Variants in CDH20 observed in about 807,000 individuals in gnomAD.
CDH20 encodes the protein cadherin-20.
A neutral mutation model predicts 74.2 loss-of-function variants in CDH20; 29 were observed. The observed-to-expected ratio is 0.39, with a 90% CI of 0.29 to 0.53. The LOEUF (loss-of-function observed/expected upper bound fraction) is 0.53. Among genes scored for constraint, CDH20 ranks in the 20% least tolerant of loss-of-function variants. CDH20 has a pLI of 0.69. For synonymous variants in CDH20, 469 were observed against 405.4 expected, an observed-to-expected ratio of 1.16 and a Z score of -1.88; for missense variants, 988 against 1,048.3, an observed-to-expected ratio of 0.94 and a Z score of 0.79.
At chr18:61,351,317 G>A (rs543983757) in intron 1 of CDH20, among the ~76,000 whole-genome samples, 1 of 152,238 alleles carries the variant, frequency 6.6e-6, no homozygotes, top group South Asian at 2.1e-4. Context: ...GTAAGCTCCT[G>A]TAGTCTCAGG....
chr18:61,513,891 C>T (rs1186087094), intron 6 of CDH20, among the ~76,000 whole-genome samples: 2 of 152,110 alleles, frequency 1.3e-5, no homozygotes, highest in Admixed American at 6.5e-5. Flanking sequence ...ATGGGCTTCC[C>T]TTTGAGGGTA....
At chr18:61,525,227 G>T (rs1198494093) in intron 6 of CDH20, among the ~76,000 whole-genome samples, 1 of 151,918 alleles carries the variant, frequency 6.6e-6, no homozygotes. Flanking sequence ...TACTAAAAAA[G>T]AAATTTTAAT....
chr18:61,390,024 T>C (rs1911723675), intron 1 of CDH20, among the ~76,000 whole-genome samples: 1 of 152,172 alleles, frequency 6.6e-6, no homozygotes, highest in South Asian at 2.1e-4. Flanking sequence ...ATTTCCTTTC[T>C]TCCTTTCCAA....
intron 9 of CDH20, 144 bp from the exon 10 acceptor site, chr18:61,544,883 T>C (rs1023895378): frequency 9.2e-6 from 6 of 649,526 alleles, no homozygotes; most frequent in Non-Finnish European, 1.4e-5. Flanking sequence ...CTACCCAGCA[T>C]TTCCCTGCCC....
chr18:61,334,373 A>C (rs538748034), intron 1 of CDH20: 14 of 152,266 alleles, frequency 9.2e-5, no homozygotes, highest in African/African-American at 3.1e-4. Flanking sequence ...CCCCCGCCGG[A>C]GCTCGGCTGT....
chr18:61,393,364 A>G lies in CDH20; in HGVS notation c.-153+59537A>G, dbSNP rs568714557. On this transcript the variant is annotated intron_variant, in intron 1 of 11. Transcript: ENST00000262717. ...CAAGTGGCTCCTAACTCAACACTGT[A>G]TTTTTAAAATTTGGAATTGTCAATG... 2.6e-5 allele frequency among the ~76,000 whole-genome samples: 4 copies of G among 152,290 alleles called. No homozygotes were observed. In the South Asian group the frequency reaches 8.3e-4, roughly 32 times the overall value.
chr18:61,488,786 T>C (rs1006769883), intron 1 of CDH20, among the ~76,000 whole-genome samples: 2 of 152,142 alleles, frequency 1.3e-5, no homozygotes, highest in African/African-American at 2.4e-5. Flanking sequence ...ACAGCACAGC[T>C]ATTTCTCACT....
intron 7 of CDH20, among the ~76,000 whole-genome samples, 175 bp from the exon 8 acceptor site, chr18:61,536,318 G>A (rs1157865412): frequency 3.3e-5 from 5 of 152,138 alleles, no homozygotes; most frequent in Admixed American, 3.3e-4. Context: ...GTTTATTGGA[G>A]GAGGAGGTGA....
chr18:61,442,370 G>GAA (rs35527064), intron 1 of CDH20, among the ~76,000 whole-genome samples: 5,939 of 142,022 alleles, frequency 0.042, 240 homozygotes, highest in East Asian at 0.21. Flanking sequence ...AAAAAGAAAA[G>GAA]AAAAAAAAAA....
chr18:61,446,575 T>C (rs1336109181), intron 1 of CDH20, among the ~76,000 whole-genome samples: 1 of 152,178 alleles, frequency 6.6e-6, no homozygotes, highest in Non-Finnish European at 1.5e-5. Context: ...CATCACCTTG[T>C]AATCTTTCTT....
intron 1 of CDH20, among the ~76,000 whole-genome samples, chr18:61,395,353 G>A (rs1355754869): frequency 6.6e-6 from 1 of 152,144 alleles, no homozygotes; most frequent in African/African-American, 2.4e-5. Flanking sequence ...GCAGTGCCTG[G>A]TACTTGATAA....
At chr18:61,427,621 A>AGATT (rs549940356) in intron 1 of CDH20, among the ~76,000 whole-genome samples, 51 of 152,350 alleles carry the variant, frequency 3.3e-4, no homozygotes, top group Middle Eastern at 3.4e-3. Context: ...TACTAAAATA[A>AGATT]GATTGCATGA....
At chr18:61,397,080 G>A (rs946992773) in intron 1 of CDH20, among the ~76,000 whole-genome samples, 4 of 152,144 alleles carry the variant, frequency 2.6e-5, no homozygotes, top group Non-Finnish European at 5.9e-5. Context: ...AGTTACTCTA[G>A]TGGGAGAGGT....
intron 1 of CDH20, among the ~76,000 whole-genome samples, chr18:61,468,123 A>G (rs1001114182): frequency 6.6e-5 from 10 of 152,202 alleles, no homozygotes; most frequent in Non-Finnish European, 1.2e-4. Flanking sequence ...GATTCTGTAC[A>G]TATCACGGGT....
intron 1 of CDH20, among the ~76,000 whole-genome samples, chr18:61,482,314 T>A (rs1364865593): frequency 6.6e-6 from 1 of 152,238 alleles, no homozygotes; most frequent in Non-Finnish European, 1.5e-5. Flanking sequence ...TAGCACCTCC[T>A]CCCAACTTCC....
rs763645248 is a variant in CDH20 at position 61,554,636 on chromosome 18, C to T, written c.2347C>T (p.Arg783Cys). 1.2e-6 allele frequency: 2 copies of T among 1,601,798 alleles called. No homozygotes were observed. Among genetic ancestry groups the T allele is most frequent in the Non-Finnish European group, 1.7e-6 (2 of 1,174,708 alleles). Residue 783 changes from arginine (R) to cysteine (C), a missense_variant, in exon 12 of 12, where the codon CGC (arginine) becomes TGC (cysteine). By Grantham distance (180) the Arg-to-Cys change is radical (BLOSUM62 -3). Coordinates refer to ENST00000262717, the MANE Select transcript of CDH20 (RefSeq NM_031891.4). ...SFDFLTDWGPRFRKLAELYGA... is the reference protein window; with the variant it reads ...SFDFLTDWGPCFRKLAELYGA... Reference sequence around the variant, plus strand: ...CGACTTCCTGACGGACTGGGGGCCCCGCTTCCGGAAGCTGGCCGAGCTCTA... The same window carrying T: ...CGACTTCCTGACGGACTGGGGGCCCTGCTTCCGGAAGCTGGCCGAGCTCTA...
At chr18:61,343,034 C>G (rs1223007706) in intron 1 of CDH20, among the ~76,000 whole-genome samples, 1 of 152,130 alleles carries the variant, frequency 6.6e-6, no homozygotes, top group Non-Finnish European at 1.5e-5. Flanking sequence ...ACAGTGCCCC[C>G]AAAAGCCCAT....
intron 6 of CDH20, among the ~76,000 whole-genome samples, chr18:61,523,474 G>A (rs1912283039): frequency 6.6e-6 from 1 of 152,230 alleles, no homozygotes; most frequent in Admixed American, 6.5e-5. Context: ...GTTGGTGGGA[G>A]TGTAAATTAA....
rs200244560 is a variant in CDH20, at chr18:61,500,521, G to A, written c.661+19G>A. ...AAAACAGGTATCTGATACAAGGGTC[G>A]AGTCAGAGGTGTTTATTCCCTGATA... On this transcript the variant is annotated intron_variant, in intron 4 of 11. Transcript: ENST00000262717. The A allele has an allele frequency of 8.5e-5, 135 of 1,595,528 alleles. No homozygotes were observed. The highest frequency in any genetic ancestry group is 1.7e-4 in the Middle Eastern group (1 of 5,984).
Sources: allele counts gnomAD v4.1 joint callset (sites outside exome capture counted in the v4.1 genomes callset), GRCh38; gene constraint gnomAD v4.1.1; transcripts MANE v1.5; gene names NCBI Gene and HGNC (gene_info 2026-07-23, HGNC 2026-07-21).